The following COMT variants were observed in gnomAD, a reference collection of about 807,000 sequenced individuals.
COMT encodes catechol O-methyltransferase.
In COMT, 13 loss-of-function variants were observed where a neutral mutation model predicts 18.9. That is an observed-to-expected ratio of 0.69 (90% CI 0.45 to 1.09). COMT has a LOEUF of 1.09. Among genes scored for constraint, COMT ranks in the 50% least tolerant of loss-of-function variants. The pLI is 0.00. For synonymous variants in COMT, 150 were observed against 160.9 expected, an observed-to-expected ratio of 0.93 and a Z score of 0.51; for missense variants, 329 against 361.8, an observed-to-expected ratio of 0.91 and a Z score of 0.73.
intron 1 of COMT, among the ~76,000 whole-genome samples, chr22:19,945,798 T>G (rs538195344): frequency 1.3e-5 from 2 of 152,244 alleles, no homozygotes; most frequent in African/African-American, 4.8e-5. Flanking sequence ...CCCGAGTAGC[T>G]GGGACTACAG....
chr22:19,950,463 T>C (rs1941912379), intron 1 of COMT, among the ~76,000 whole-genome samples: 1 of 152,160 alleles, frequency 6.6e-6, no homozygotes, highest in African/African-American at 2.4e-5. Flanking sequence ...AGGGGAAGGC[T>C]TTCTACCTGT....
chr22:19,968,003 T>C (rs1361619571), intron 5 of COMT, among the ~76,000 whole-genome samples: 2 of 152,130 alleles, frequency 1.3e-5, no homozygotes, highest in Non-Finnish European at 2.9e-5. Flanking sequence ...CTGGTGAAGA[T>C]GGGGGGTCTG....
rs1942586049 is a variant in COMT, at chr22:19,968,863, C to T, written c.*127C>T. 6 of 857,388 alleles carry T rather than the reference C, an allele frequency of 7.0e-6. No homozygotes were observed. The South Asian group carries it at 8.8e-5, about 13-fold the overall frequency. The allele number at this position is 857,388 out of a possible 1,614,324, so 53.1% of individuals were successfully genotyped here. On this transcript the variant is annotated 3_prime_UTR_variant, in exon 6 of 6. Coordinates refer to ENST00000361682, the MANE Select transcript of COMT (RefSeq NM_000754.4). Reference sequence around the variant, plus strand: ...ATGCAAAGCACACCTCGGCCGAGGCCTGCGCCCTGACATGCTAACCTCTCT... The same window carrying T: ...ATGCAAAGCACACCTCGGCCGAGGCTTGCGCCCTGACATGCTAACCTCTCT...
chr22:19,956,150 T>C lies in COMT; in HGVS notation c.-91-5049T>C, dbSNP rs1264964029. 6.3e-5 allele frequency among the ~76,000 whole-genome samples: 8 copies of C among 127,654 alleles called. No homozygotes were observed. The South Asian group carries it at 1.4e-3, about 23-fold the overall frequency. 83.7% of individuals were successfully genotyped at this position (127,654 alleles called of 152,430 possible). On this transcript the variant is annotated intron_variant, in intron 1 of 5. Coordinates refer to ENST00000361682, the MANE Select transcript of COMT (RefSeq NM_000754.4). ...TTTTCTTTTTTTCTTTTTTTTTTTT[T>C]TTTTTTTTTTTTGAGATGGAGTCTC...
At chr22:19,963,939 G>A in intron 4 of COMT, 180 bp downstream of exon 4, 1 of 1,156,236 alleles carries the variant, frequency 8.6e-7, no homozygotes, top group Non-Finnish European at 1.3e-6. Flanking sequence ...GCAGCTCAGT[G>A]AGGGTCTCAC....
intron 1 of COMT, among the ~76,000 whole-genome samples, chr22:19,960,059 C>T (rs1942160279): frequency 6.6e-6 from 1 of 152,236 alleles, no homozygotes; most frequent in Non-Finnish European, 1.5e-5. Flanking sequence ...CTGCTGCCTC[C>T]CACTAGGCCC....
chr22:19,969,019 T>C lies in COMT; in HGVS notation c.*283T>C. On this transcript the variant is annotated 3_prime_UTR_variant, in exon 6 of 6. Coordinates refer to ENST00000361682, the MANE Select transcript of COMT (RefSeq NM_000754.4). ...AAAATAGAAATTAAGAATCTAAATA[T>C]TTAGATATAACTCGACTTAGTACAT... 1 of 318,712 alleles carries C rather than the reference T, an allele frequency of 3.1e-6. No individual in the cohort carries two copies. The highest frequency in any genetic ancestry group is 6.0e-6 in the Non-Finnish European group (1 of 167,268). The allele number at this position is 318,712 out of a possible 1,614,324, so 19.7% of individuals were successfully genotyped here. A position where few individuals can be genotyped will look rare whatever the true frequency, so the allele number is the denominator to read the frequency against.
intron 5 of COMT, chr22:19,967,666 A>G: frequency 3.4e-6 from 1 of 297,716 alleles, no homozygotes. Context: ...CTGCCTGCAA[A>G]TTGATTTTAT....
In COMT at chr22:19,967,546, T is replaced by C. The variant is rs1437786303; in HGVS notation, c.616-990T>C. 7.9e-6 allele frequency: 3 copies of C among 379,666 alleles called. No homozygotes were observed. The East Asian group carries it at 2.2e-4, about 27-fold the overall frequency. The allele number at this position is 379,666 out of a possible 1,614,324, so 23.5% of individuals were successfully genotyped here. ...AAAGCCCCCTGCTTTCTCTGCAGCA[T>C]ACAGGCTGGAAACGACCGCCACCCA... On this transcript the variant is annotated intron_variant, in intron 5 of 5. Coordinates refer to ENST00000361682, the MANE Select transcript of COMT (RefSeq NM_000754.4).
At chr22:19,951,873 T>A (rs1941947162) in intron 1 of COMT, among the ~76,000 whole-genome samples, 1 of 152,202 alleles carries the variant, frequency 6.6e-6, no homozygotes, top group Non-Finnish European at 1.5e-5. Context: ...AGGCCCCCAG[T>A]CCCACAGAGG....
rs373404261 is a variant in COMT, at chr22:19,962,825, G to A, written c.289+10G>A. 5.8e-5 allele frequency: 92 copies of A among 1,598,624 alleles called. No individual in the cohort carries two copies. The highest frequency in any genetic ancestry group is 3.3e-4 in the Middle Eastern group (2 of 6,002). On this transcript the variant is annotated intron_variant, in intron 3 of 5. Transcript: ENST00000361682. Reference sequence around the variant, plus strand: ...GTGGGCGACAAGAAAGGTGGGGTCCGGGCCAGCAGGTGCTCAGCTCTGGGA... The same window carrying A: ...GTGGGCGACAAGAAAGGTGGGGTCCAGGCCAGCAGGTGCTCAGCTCTGGGA...
rs1424789939 is a variant in COMT, at chr22:19,968,782, C to G, written c.*46C>G. 6.4e-7 allele frequency: 1 copy of G among 1,569,390 alleles called. No individual in the cohort carries two copies. Among genetic ancestry groups the G allele is most frequent in the Non-Finnish European group, 8.7e-7 (1 of 1,154,974 alleles). ...TCGGGCTCTCTCACCCAGCCTGGTACTGAAGGTGCCAGACGTGCTCCTGCT... is the reference window on the plus strand; with the variant it reads ...TCGGGCTCTCTCACCCAGCCTGGTAGTGAAGGTGCCAGACGTGCTCCTGCT... On this transcript the variant is annotated 3_prime_UTR_variant, in exon 6 of 6. Coordinates refer to ENST00000361682, the MANE Select transcript of COMT (RefSeq NM_000754.4).
intron 1 of COMT, among the ~76,000 whole-genome samples, chr22:19,947,873 G>A (rs1941864748): frequency 6.6e-6 from 1 of 152,178 alleles, no homozygotes; most frequent in South Asian, 2.1e-4. Flanking sequence ...GCTAGACCAA[G>A]GTCCGCTAAG....
chr22:19,950,114 G>A (rs999115468), intron 1 of COMT, among the ~76,000 whole-genome samples: 12 of 151,390 alleles, frequency 7.9e-5, no homozygotes, highest in Admixed American at 7.2e-4. Context: ...AAAACATCTT[G>A]TAAGCTTTTT....
At chr22:19,948,254 T>C (rs1022322663) in intron 1 of COMT, among the ~76,000 whole-genome samples, 3 of 152,222 alleles carry the variant, frequency 2.0e-5, no homozygotes, top group African/African-American at 7.2e-5. Context: ...AAATTCACCA[T>C]TGAAATAAAC....
chr22:19,964,002 G>A (rs1942271731), intron 4 of COMT, 166 bp from the exon 5 acceptor site: 1 of 1,390,800 alleles, frequency 7.2e-7, no homozygotes, highest in Non-Finnish European at 1.0e-6. Flanking sequence ...ACAGAGTGGG[G>A]CCTTGTCATC....
chr22:19,962,780 A>C lies in COMT; in HGVS notation c.254A>C (p.Gln85Pro), dbSNP rs1324928849. ...VLEAIDTYCE[Q>P]KEWAMNVGDK... is the part of the protein sequence containing the mutation. ...GAGGCCATTGACACCTACTGCGAGC[A>C]GAAGGAGTGGGCCATGAACGTGGGC... Residue 85 changes from glutamine (Q) to proline (P), a missense_variant, in exon 3 of 6, where the codon CAG becomes CCG. Transcript: ENST00000361682. 2 of 1,609,418 alleles carry C rather than the reference A, an allele frequency of 1.2e-6. No individual in the cohort carries two copies. Among genetic ancestry groups the C allele is most frequent in the South Asian group, 2.2e-5 (2 of 91,038 alleles).
At chr22:19,944,223 G>T (rs1941797597) in intron 1 of COMT, among the ~76,000 whole-genome samples, 1 of 152,214 alleles carries the variant, frequency 6.6e-6, no homozygotes, top group Admixed American at 6.5e-5. Flanking sequence ...GGAAGGCAGT[G>T]ACAGTCCAAG....
At chr22:19,957,197 G>T (rs575110498) in intron 1 of COMT, among the ~76,000 whole-genome samples, 1 of 152,094 alleles carries the variant, frequency 6.6e-6, no homozygotes, top group East Asian at 1.9e-4. Context: ...TGATCTGCCC[G>T]CCCCGGCCTC....
Sources: allele counts gnomAD v4.1 joint callset (sites outside exome capture counted in the v4.1 genomes callset), GRCh38; gene constraint gnomAD v4.1.1; transcripts MANE v1.5; gene names NCBI Gene and HGNC (gene_info 2026-07-23, HGNC 2026-07-21).